The following PARN variants were observed in gnomAD, a reference collection of about 807,000 sequenced individuals.
PARN encodes poly(A)-specific ribonuclease PARN.
In PARN, 71 loss-of-function variants were observed where a neutral mutation model predicts 102.8. That is an observed-to-expected ratio of 0.69 (90% CI 0.57 to 0.84). PARN has a LOEUF of 0.84. Ranked by LOEUF, PARN falls within the 40% of genes least tolerant of loss-of-function variation. PARN has a pLI of 0.00. For missense variants in PARN, 782 were observed against 760.9 expected (o/e 1.03, Z -0.33); for synonymous variants, 261 against 252.9 (o/e 1.03, Z -0.30).
intron 12 of PARN, among the ~76,000 whole-genome samples, chr16:14,597,305 A>C (rs1200668728): frequency 1.3e-5 from 2 of 152,242 alleles, no homozygotes; most frequent in Non-Finnish European, 2.9e-5. Flanking sequence ...TATATAGTTA[A>C]TTTAACTATA....
At chr16:14,506,214 A>G (rs1964888866) in intron 21 of PARN, among the ~76,000 whole-genome samples, 1 of 152,254 alleles carries the variant, frequency 6.6e-6, no homozygotes, top group Non-Finnish European at 1.5e-5. Context: ...ACTCCTCAGA[A>G]AAATGTCAAT....
At chr16:14,470,822 G>C (rs1000973860) in intron 22 of PARN, among the ~76,000 whole-genome samples, 15 of 152,046 alleles carry the variant, frequency 9.9e-5, no homozygotes, top group Non-Finnish European at 1.8e-4. Flanking sequence ...CCAGGGTCTT[G>C]CTCTGTTGCC....
Position 14,587,225 on chromosome 16 carries a change from G to A in PARN, c.919-864C>T, listed in dbSNP as rs72787696. Among the ~76,000 whole-genome samples the A allele has an allele frequency of 2.3e-3, 356 of 152,264 alleles. 5 individuals carry two copies. Among genetic ancestry groups the A allele is most frequent in the Middle Eastern group, 0.02 (6 of 294 alleles). ...CACTGGCTATAAATTAATGGGCAAA[G>A]CATGAACAGGCGATTTCAATGCAAC... On this transcript the variant is annotated intron_variant, in intron 13 of 23. Transcript: ENST00000437198.
intron 13 of PARN, among the ~76,000 whole-genome samples, chr16:14,587,880 G>A (rs1243711930): frequency 2.6e-5 from 4 of 152,118 alleles, no homozygotes; most frequent in African/African-American, 4.8e-5. Flanking sequence ...TCCACTTAAC[G>A]TTCATTAACT....
At chr16:14,572,226 C>T (rs914589495) in intron 18 of PARN, among the ~76,000 whole-genome samples, 24 of 152,320 alleles carry the variant, frequency 1.6e-4, no homozygotes, top group African/African-American at 5.3e-4. Flanking sequence ...GGTCCCTTAA[C>T]AACCCACTGC....
intron 21 of PARN, among the ~76,000 whole-genome samples, chr16:14,488,300 T>C (rs1478701372): frequency 2.0e-5 from 3 of 152,120 alleles, no homozygotes. Flanking sequence ...AAAGGAAATA[T>C]AAGTGAGTAT....
At chr16:14,517,844 A>G (rs1264954722) in intron 21 of PARN, among the ~76,000 whole-genome samples, 1 of 151,926 alleles carries the variant, frequency 6.6e-6, no homozygotes, top group Non-Finnish European at 1.5e-5. Flanking sequence ...ACACCCAGCT[A>G]ATTTTTTTGT....
intron 8 of PARN, 111 bp downstream of exon 8, chr16:14,608,947 T>G (rs1971356463): frequency 1.5e-6 from 1 of 646,702 alleles, no homozygotes; most frequent in Non-Finnish European, 2.8e-6. Context: ...AACATAGCAA[T>G]AATAAAAAGA....
chr16:14,600,466 G>C (rs1414671056), intron 11 of PARN, among the ~76,000 whole-genome samples: 1 of 152,054 alleles, frequency 6.6e-6, no homozygotes, highest in Non-Finnish European at 1.5e-5. Flanking sequence ...AGTGTTGAAA[G>C]AGGCTCAGTG....
chr16:14,469,211 C>T (rs528266228), intron 22 of PARN, among the ~76,000 whole-genome samples: 20 of 152,152 alleles, frequency 1.3e-4, no homozygotes, highest in South Asian at 6.2e-4. Flanking sequence ...GCAGGAGAAT[C>T]GCTTGAACCC....
chr16:14,539,073 G>A (rs933976266), intron 21 of PARN, among the ~76,000 whole-genome samples: 1 of 152,084 alleles, frequency 6.6e-6, no homozygotes. Flanking sequence ...TTATTACAAT[G>A]TAATAATAAC....
intron 22 of PARN, among the ~76,000 whole-genome samples, chr16:14,459,928 A>G (rs1373494733): frequency 6.6e-6 from 1 of 152,216 alleles, no homozygotes; most frequent in Non-Finnish European, 1.5e-5. Flanking sequence ...ATAATTGCAT[A>G]TCTATATGCA....
At chr16:14,607,729 C>T (rs1012562488) in intron 9 of PARN, among the ~76,000 whole-genome samples, 13 of 152,140 alleles carry the variant, frequency 8.5e-5, no homozygotes, top group Non-Finnish European at 1.6e-4. Flanking sequence ...ATACATGTCA[C>T]TGGTAGATTC....
intron 6 of PARN, among the ~76,000 whole-genome samples, chr16:14,616,480 T>C (rs1413535333): frequency 2.6e-5 from 4 of 152,238 alleles, no homozygotes; most frequent in Admixed American, 6.5e-5. Flanking sequence ...GTGTGGTGTC[T>C]CATGCCTGTA....
At chr16:14,448,013 C>T (rs1030882642) in intron 22 of PARN, among the ~76,000 whole-genome samples, 1 of 152,118 alleles carries the variant, frequency 6.6e-6, no homozygotes, top group Non-Finnish European at 1.5e-5. Flanking sequence ...GAGACACAGT[C>T]TTGCTCTGTC....
intron 21 of PARN, among the ~76,000 whole-genome samples, chr16:14,526,411 T>G (rs968070800): frequency 2.0e-5 from 3 of 148,682 alleles, no homozygotes; most frequent in African/African-American, 7.5e-5. Flanking sequence ...CCTCCTGACC[T>G]CGTGATCCAC....
intron 12 of PARN, among the ~76,000 whole-genome samples, chr16:14,597,642 C>T (rs765461195): frequency 7.9e-5 from 12 of 151,382 alleles, no homozygotes; most frequent in East Asian, 2.0e-4. Context: ...GCTTGCAGTA[C>T]GCCAAGATCG....
At chr16:14,499,499 C>A (rs780749592) in intron 21 of PARN, among the ~76,000 whole-genome samples, 1 of 152,208 alleles carries the variant, frequency 6.6e-6, no homozygotes, top group Non-Finnish European at 1.5e-5. Flanking sequence ...TTAAAAGGAT[C>A]TGTGAAATTC....
At chr16:14,619,824 C>T (rs1972178552) in intron 5 of PARN, among the ~76,000 whole-genome samples, 1 of 151,964 alleles carries the variant, frequency 6.6e-6, no homozygotes, top group South Asian at 2.1e-4. Flanking sequence ...GTAATCCCAG[C>T]ACTTTCGGAG....
Sources: allele counts gnomAD v4.1 joint callset (sites outside exome capture counted in the v4.1 genomes callset), GRCh38; gene constraint gnomAD v4.1.1; transcripts MANE v1.5; gene names NCBI Gene and HGNC (gene_info 2026-07-23, HGNC 2026-07-21).